The following DTX3L variants were observed in gnomAD, a reference collection of about 807,000 sequenced individuals.
DTX3L encodes the protein E3 ubiquitin-protein ligase DTX3L.
DTX3L carries 34 observed loss-of-function variants against 60.9 expected under a neutral mutation model. The ratio of observed to expected loss-of-function variants is 0.56; its 90% CI spans 0.42 to 0.74. DTX3L has a LOEUF of 0.74. DTX3L is among the 30% of genes least tolerant of loss of function. The pLI, the probability that DTX3L is intolerant of heterozygous loss-of-function variation, is 0.00. For synonymous variants in DTX3L, 290 were observed against 316.6 expected, an observed-to-expected ratio of 0.92 and a Z score of 0.89; for missense variants, 810 against 874.0, an observed-to-expected ratio of 0.93 and a Z score of 0.92.
At chr3:122,571,255 G>GCC (rs62957662) in intron 4 of DTX3L, among the ~76,000 whole-genome samples, 1 of 151,832 alleles carries the variant, frequency 6.6e-6, no homozygotes, top group Non-Finnish European at 1.5e-5. Flanking sequence ...TGATTACGAT[G>GCC]CCCCCCTAAA....
chr3:122,571,569 T>C, intron 4 of DTX3L, 109 bp from the exon 5 acceptor site: 1 of 814,924 alleles, frequency 1.2e-6, no homozygotes, highest in Admixed American at 2.7e-5. Context: ...TCAGGATTAC[T>C]TGTGAATGTT....
Position 122,564,397 on chromosome 3 carries a change from A to G in DTX3L, c.-30A>G. The G allele has an allele frequency of 6.3e-7, 1 of 1,587,466 alleles. No homozygotes were observed. Among genetic ancestry groups the G allele is most frequent in the Non-Finnish European group, 8.6e-7 (1 of 1,168,948 alleles). On this transcript the variant is annotated 5_prime_UTR_variant, in exon 1 of 5. Coordinates refer to ENST00000296161, the MANE Select transcript of DTX3L (RefSeq NM_138287.3). Reference sequence around the variant, plus strand: ...CCTTTACCGCCCAGCTGCCTCCCGGAGCCCCCGCGCCCTCCCGACGCGCAG... The same window carrying G: ...CCTTTACCGCCCAGCTGCCTCCCGGGGCCCCCGCGCCCTCCCGACGCGCAG...
rs764423884 is a variant in DTX3L at position 122,566,007 on chromosome 3, G to A, written c.336G>A (p.Pro112=). Residue 112 remains proline, a synonymous_variant, in exon 2 of 5, where the codon CCG becomes CCA. Coordinates refer to ENST00000296161, the MANE Select transcript of DTX3L (RefSeq NM_138287.3). Reference sequence around the variant, plus strand: ...TGACACAATCACAAGCAGAAACACCGTCTGGTGATATGCATCAACATGAAG... The same window carrying A: ...TGACACAATCACAAGCAGAAACACCATCTGGTGATATGCATCAACATGAAG... ...SSLTQSQAET[P]SGDMHQHEGH... is the part of the protein sequence containing the mutation. The A allele has an allele frequency of 8.7e-6, 14 of 1,614,002 alleles. No individual in the cohort carries two copies. In the East Asian group the frequency reaches 8.9e-5, roughly 10 times the overall value.
intron 3 of DTX3L, 95 bp downstream of exon 3, chr3:122,570,119 C>T (rs752504659): frequency 1.5e-6 from 2 of 1,325,032 alleles, no homozygotes; most frequent in East Asian, 2.3e-5. Flanking sequence ...AATAGATTTC[C>T]CAAGGAATTA....
Position 122,569,280 on chromosome 3 carries a change from A to G in DTX3L, c.1191A>G (p.Ser397=), listed in dbSNP as rs1177018521. The change falls in exon 3 of 5, where the codon TCA becomes TCG. Residue 397 remains serine (S), a synonymous_variant. Coordinates refer to ENST00000296161, the MANE Select transcript of DTX3L (RefSeq NM_138287.3). ...LLETELLQEI[S]EIEKRYDICS... ...AAACTGAATTACTACAGGAGATATC[A>G]GAGATCGAAAAAAGGTATGACATTT... is the stretch of plus-strand genomic sequence containing the variant. 10 of 1,614,110 alleles carry G rather than the reference A, an allele frequency of 6.2e-6. No homozygotes were observed. The highest frequency in any genetic ancestry group is 8.5e-6 in the Non-Finnish European group (10 of 1,180,054).
chr3:122,573,344 G>A lies in DTX3L; in HGVS notation c.*1597G>A, dbSNP rs1433486113. On this transcript the variant is annotated 3_prime_UTR_variant, in exon 5 of 5. Transcript: ENST00000296161. ...GTAGCAGTGTTTCATAAAATTGTTT[G>A]CCTGACTCAGGTTGCTAGTAAGCCA... is the stretch of plus-strand genomic sequence containing the variant. 1 of 152,186 alleles carries A rather than the reference G, an allele frequency of 6.6e-6. No homozygotes were observed. The highest frequency in any genetic ancestry group is 1.5e-5 in the Non-Finnish European group (1 of 68,040). The allele number at this position is 152,186 out of a possible 1,614,324, so 9.4% of individuals were successfully genotyped here.
rs1262997676 is a variant in DTX3L at position 122,571,568 on chromosome 3, C to T, written c.2154-110C>T. On this transcript the variant is annotated intron_variant, in intron 4 of 4. Coordinates refer to ENST00000296161, the MANE Select transcript of DTX3L (RefSeq NM_138287.3). Reference sequence around the variant, plus strand: ...GATACGTCATCCACCTTCAGGATTACTTGTGAATGTTTGCAACACTGGATA... The same window carrying T: ...GATACGTCATCCACCTTCAGGATTATTTGTGAATGTTTGCAACACTGGATA... 1.2e-5 allele frequency: 10 copies of T among 821,414 alleles called. No homozygotes were observed. The East Asian group carries it at 2.1e-4, about 17-fold the overall frequency. The allele number at this position is 821,414 out of a possible 1,614,324, so 50.9% of individuals were successfully genotyped here.
chr3:122,564,524 C>T lies in DTX3L; in HGVS notation c.98C>T (p.Ser33Phe), dbSNP rs1309980736. The change falls in exon 1 of 5, where the codon TCT becomes TTT. Residue 33 changes from serine to phenylalanine, a missense_variant. Transcript: ENST00000296161. ...AAGCTGGAGAGCTACTTCCAGAGCTCTAAGTCCTCGGGCGGCGGGGAGTGC... is the reference window on the plus strand; with the variant it reads ...AAGCTGGAGAGCTACTTCCAGAGCTTTAAGTCCTCGGGCGGCGGGGAGTGC... ...RRKLESYFQS[S>F]KSSGGGECTV... 5.0e-6 allele frequency: 8 copies of T among 1,611,664 alleles called. No individual in the cohort carries two copies. Among genetic ancestry groups the T allele is most frequent in the South Asian group, 2.2e-5 (2 of 91,046 alleles).
Position 122,569,460 on chromosome 3 carries a change from T to A in DTX3L, c.1371T>A (p.Ser457=), listed in dbSNP as rs2080628504. 1 of 1,614,074 alleles carries A rather than the reference T, an allele frequency of 6.2e-7. No individual in the cohort carries two copies. The highest frequency in any genetic ancestry group is 1.3e-5 in the African/African-American group (1 of 74,918). The change falls in exon 3 of 5, where the codon TCT becomes TCA. Residue 457 remains serine, a synonymous_variant. Coordinates refer to ENST00000296161, the MANE Select transcript of DTX3L (RefSeq NM_138287.3). ...TGAGAGAAGTTCTTTTACTGAAGTC[T>A]TTGGGCAAGGAGAGAAAGCACTTAC... ...QLMREVLLLK[S]LGKERKHLHQ... is the part of the protein sequence containing the mutation.
chr3:122,564,839 C>T (rs1423631232), intron 1 of DTX3L, among the ~76,000 whole-genome samples: 1 of 152,216 alleles, frequency 6.6e-6, no homozygotes, highest in Non-Finnish European at 1.5e-5. Context: ...GCTGACGGCG[C>T]CTTAGTGTGG....
Position 122,570,639 on chromosome 3 carries a change from A to C in DTX3L, c.2120A>C (p.His707Pro). ...GATGTCATCACTTGGAATGATATTC[A>C]CCACAAAACATCCCGGTTTGGAGGA... ...VSDVITWNDI[H>P]HKTSRFGGPE... Residue 707 changes from histidine to proline, a missense_variant, in exon 4 of 5, where the codon CAC (histidine) becomes CCC (proline). Physicochemically the swap from His to Pro is moderately conservative, Grantham distance 77 (BLOSUM62 -2). Coordinates refer to ENST00000296161, the MANE Select transcript of DTX3L (RefSeq NM_138287.3). 2 of 1,614,200 alleles carry C rather than the reference A, an allele frequency of 1.2e-6. No homozygotes were observed. Among genetic ancestry groups the C allele is most frequent in the Non-Finnish European group, 1.7e-6 (2 of 1,180,024 alleles).
chr3:122,566,382 C>T (rs181708692), intron 2 of DTX3L, among the ~76,000 whole-genome samples: 35 of 152,188 alleles, frequency 2.3e-4, no homozygotes, highest in African/African-American at 8.4e-4. Flanking sequence ...TTTTTTTCCC[C>T]CCAAGACAGA....
Position 122,572,842 on chromosome 3 carries a change from G to C in DTX3L, c.*1095G>C, listed in dbSNP as rs143268821. 6.6e-6 allele frequency: 1 copy of C among 151,904 alleles called. No individual in the cohort carries two copies. The highest frequency in any genetic ancestry group is 1.5e-5 in the Non-Finnish European group (1 of 68,034). 9.4% of individuals were successfully genotyped at this position (151,904 alleles called of 1,614,324 possible). On this transcript the variant is annotated 3_prime_UTR_variant, in exon 5 of 5. Transcript: ENST00000296161. ...GATCCTCCTGCCTTGGCCTCCCAAAGTGCTGGAATTACAGGCATGAGCCAC... is the reference window on the plus strand; with the variant it reads ...GATCCTCCTGCCTTGGCCTCCCAAACTGCTGGAATTACAGGCATGAGCCAC...
chr3:122,571,258 C>T (rs2080643967), intron 4 of DTX3L, among the ~76,000 whole-genome samples: 1 of 151,922 alleles, frequency 6.6e-6, no homozygotes. Flanking sequence ...TTACGATGCC[C>T]CCCTAAAACA....
intron 2 of DTX3L, 52 bp from the exon 3 acceptor site, chr3:122,568,437 A>T: frequency 7.0e-7 from 1 of 1,421,058 alleles, no homozygotes; most frequent in Middle Eastern, 2.6e-4. Flanking sequence ...AGAAGATGGT[A>T]GGCCTGCATG....
intron 2 of DTX3L, among the ~76,000 whole-genome samples, chr3:122,568,170 G>A (rs556273767): frequency 4.6e-5 from 7 of 152,300 alleles, no homozygotes; most frequent in African/African-American, 1.4e-4. Flanking sequence ...TTAGCCGGGC[G>A]TGGTGGCACA....
At chr3:122,564,667 T>G (rs1576456942) in intron 1 of DTX3L, 54 bp downstream of exon 1, 1 of 1,546,908 alleles carries the variant, frequency 6.5e-7, no homozygotes, top group Admixed American at 2.2e-5. Context: ...GGCCCCCGGG[T>G]TTCCAGGCGG....
chr3:122,570,915 C>G (rs992838818), intron 4 of DTX3L, among the ~76,000 whole-genome samples: 2 of 152,022 alleles, frequency 1.3e-5, no homozygotes, highest in African/African-American at 4.8e-5. Context: ...CTTTTGAATC[C>G]GAGATGAATA....
At position 122,571,736 on chromosome 3, in the gene DTX3L, G is replaced by A; in HGVS notation, c.2212G>A (p.Gly738Arg). Residue 738 changes from glycine (G) to arginine (R), a missense_variant, in exon 5 of 5, where the codon GGA becomes AGA. Physicochemically the swap from Gly to Arg is moderately radical, Grantham distance 125. Coordinates refer to ENST00000296161, the MANE Select transcript of DTX3L (RefSeq NM_138287.3). ...TGTCAAAGAGGAGCTGAAAGCCAAAGGAATTGAGTAAGACAACTGCTGGAA... is the reference window on the plus strand; with the variant it reads ...TGTCAAAGAGGAGCTGAAAGCCAAAAGAATTGAGTAAGACAACTGCTGGAA... ...KRVKEELKAK[G>R]IE 6.2e-7 allele frequency: 1 copy of A among 1,612,542 alleles called. No homozygotes were observed. Among genetic ancestry groups the A allele is most frequent in the Non-Finnish European group, 8.5e-7 (1 of 1,179,080 alleles).
Sources: allele counts gnomAD v4.1 joint callset (sites outside exome capture counted in the v4.1 genomes callset), GRCh38; gene constraint gnomAD v4.1.1; transcripts MANE v1.5; gene names NCBI Gene and HGNC (gene_info 2026-07-23, HGNC 2026-07-21).